Variants in LRP1B observed in about 807,000 individuals in gnomAD.
LRP1B encodes the protein low-density lipoprotein receptor-related protein 1B.
A neutral mutation model predicts 556.6 loss-of-function variants in LRP1B; 217 were observed. That is an observed-to-expected ratio of 0.39 (90% CI 0.35 to 0.44). The LOEUF is 0.44. Among genes scored for constraint, LRP1B ranks in the 20% least tolerant of loss-of-function variants. LRP1B has a pLI of 1.00. For missense variants in LRP1B, 5,053 were observed against 5,620.8 expected, an observed-to-expected ratio of 0.90 and a Z score of 3.23; for synonymous variants, 2,047 against 1,865.8, an observed-to-expected ratio of 1.10 and a Z score of -2.50.
intron 2 of LRP1B, among the ~76,000 whole-genome samples, chr2:141,613,849 GATCA>G (rs1688194612): frequency 6.6e-6 from 1 of 151,944 alleles, no homozygotes; most frequent in Non-Finnish European, 1.5e-5. Context: ...AAGGCAGGTG[GATCA>G]CCTTAAGTCG....
chr2:141,827,934 A>G (rs11680167), intron 1 of LRP1B, among the ~76,000 whole-genome samples: 6,098 of 152,122 alleles, frequency 0.04, 227 homozygotes, highest in Non-Finnish European at 0.058. Context: ...AATGCCACAC[A>G]GAAGAAATTC....
intron 2 of LRP1B, among the ~76,000 whole-genome samples, chr2:141,556,098 C>A (rs1685952469): frequency 6.6e-6 from 1 of 151,840 alleles, no homozygotes; most frequent in African/African-American, 2.4e-5. Flanking sequence ...CGTGAGCCTG[C>A]ATAATCTCAA....
intron 1 of LRP1B, among the ~76,000 whole-genome samples, chr2:142,043,379 T>A (rs1341026847): frequency 6.6e-6 from 1 of 151,646 alleles, no homozygotes; most frequent in African/African-American, 2.4e-5. Context: ...TGTCACTGGT[T>A]ACCTTTTATA....
chr2:140,912,619 T>C (rs1277330956), intron 21 of LRP1B, among the ~76,000 whole-genome samples: 6 of 151,808 alleles, frequency 4.0e-5, no homozygotes, highest in Non-Finnish European at 8.9e-5. Context: ...TTCTCATTTA[T>C]TTATAATGAT....
chr2:141,467,839 C>CGGGGGGG (rs1193797469), intron 3 of LRP1B, among the ~76,000 whole-genome samples: 2 of 57,186 alleles, frequency 3.5e-5, no homozygotes, highest in African/African-American at 8.8e-5. Flanking sequence ...GTTTGCGGAC[C>CGGGGGGG]GGGGGGGGGG....
chr2:140,979,588 C>T (rs1221100232), intron 18 of LRP1B, among the ~76,000 whole-genome samples: 1 of 152,056 alleles, frequency 6.6e-6, no homozygotes, highest in African/African-American at 2.4e-5. Context: ...ATTTACAGCA[C>T]ACAAATAGGC....
intron 25 of LRP1B, among the ~76,000 whole-genome samples, chr2:140,879,618 A>G (rs769546702): frequency 6.6e-6 from 1 of 152,124 alleles, no homozygotes; most frequent in South Asian, 2.1e-4. Context: ...CATATACTTG[A>G]TAATGTGCTA....
intron 2 of LRP1B, among the ~76,000 whole-genome samples, chr2:141,569,254 C>A (rs951687615): frequency 6.6e-6 from 1 of 150,716 alleles, no homozygotes; most frequent in African/African-American, 2.4e-5. Context: ...AAAAGGGGAA[C>A]ATATTTCTAG....
intron 2 of LRP1B, among the ~76,000 whole-genome samples, chr2:141,596,405 A>G (rs1027408788): frequency 6.6e-6 from 1 of 152,054 alleles, no homozygotes; most frequent in Non-Finnish European, 1.5e-5. Context: ...TGAAAGCCCA[A>G]GTAAAACTGA....
At position 141,120,366 on chromosome 2, in the gene LRP1B, AG is replaced by A. The variant is rs1267100610; in HGVS notation, c.1014-58094del. The stretch of plus-strand genomic sequence containing the variant: ...ATTTGGTGGCCATATATTAGTAATA[AG>A]GGTTTTTTAAAATTATTTTTTATGC... On this transcript the variant is annotated intron_variant, in intron 7 of 90. Transcript: ENST00000389484. 8.6e-5 allele frequency among the ~76,000 whole-genome samples: 13 copies of A among 151,992 alleles called. No homozygotes were observed. In the South Asian group the frequency reaches 1.2e-3, roughly 15 times the overall value.
intron 14 of LRP1B, among the ~76,000 whole-genome samples, chr2:141,008,530 T>C (rs1193570738): frequency 6.6e-6 from 1 of 151,676 alleles, no homozygotes; most frequent in Admixed American, 6.6e-5. Context: ...ACATACTAAA[T>C]ATACCAAAAC....
intron 5 of LRP1B, among the ~76,000 whole-genome samples, chr2:141,242,570 C>T (rs998500299): frequency 8.6e-5 from 13 of 151,994 alleles, no homozygotes; most frequent in Non-Finnish European, 1.6e-4. Flanking sequence ...AATCAATGAA[C>T]TGCAAATATA....
intron 1 of LRP1B, among the ~76,000 whole-genome samples, chr2:141,841,294 A>G (rs895488174): frequency 3.3e-5 from 5 of 152,232 alleles, no homozygotes; most frequent in Admixed American, 2.0e-4. Flanking sequence ...ATTGGTGGAT[A>G]TAGAAAAAGT....
intron 5 of LRP1B, among the ~76,000 whole-genome samples, chr2:141,235,127 C>T (rs1683604249): frequency 6.6e-6 from 1 of 151,966 alleles, no homozygotes; most frequent in Non-Finnish European, 1.5e-5. Flanking sequence ...AACGAAAAGG[C>T]ATTAAAAACT....
intron 25 of LRP1B, among the ~76,000 whole-genome samples, chr2:140,876,931 C>A (rs1693326860): frequency 6.6e-6 from 1 of 152,114 alleles, no homozygotes; most frequent in South Asian, 2.1e-4. Context: ...GTTTCAAAAA[C>A]TATAGTACAC....
chr2:141,238,519 G>T (rs1173464792), intron 5 of LRP1B, among the ~76,000 whole-genome samples: 1 of 151,962 alleles, frequency 6.6e-6, no homozygotes, highest in Non-Finnish European at 1.5e-5. Flanking sequence ...GCTAGCTTCT[G>T]CCAGGGTCTA....
At chr2:141,791,463 C>T (rs1695607647) in intron 2 of LRP1B, among the ~76,000 whole-genome samples, 1 of 151,950 alleles carries the variant, frequency 6.6e-6, no homozygotes, top group African/African-American at 2.4e-5. Context: ...TCATAATAAA[C>T]ATCATGTACA....
intron 1 of LRP1B, among the ~76,000 whole-genome samples, chr2:141,890,636 T>G (rs1162097801): frequency 6.6e-6 from 1 of 151,862 alleles, no homozygotes; most frequent in Non-Finnish European, 1.5e-5. Context: ...GCCCCGACAG[T>G]CAATTATTTA....
intron 1 of LRP1B, among the ~76,000 whole-genome samples, chr2:142,079,478 A>G (rs1036312464): frequency 1.3e-5 from 2 of 149,718 alleles, no homozygotes; most frequent in African/African-American, 4.9e-5. Context: ...CATACATCCA[A>G]TATTTTCTTT....
Sources: allele counts gnomAD v4.1 joint callset (sites outside exome capture counted in the v4.1 genomes callset), GRCh38; gene constraint gnomAD v4.1.1; transcripts MANE v1.5; gene names NCBI Gene and HGNC (gene_info 2026-07-23, HGNC 2026-07-21).